Variants in SBF2 observed in about 807,000 individuals in gnomAD.
SBF2 encodes myotubularin-related protein 13.
Under a neutral mutation model 225.2 loss-of-function variants are expected in SBF2, and 112 were observed. The ratio of observed to expected loss-of-function variants is 0.50; its 90% CI spans 0.43 to 0.58. The LOEUF is 0.58. Among genes scored for constraint, SBF2 ranks in the 20% least tolerant of loss-of-function variants. The pLI is 0.00. For synonymous variants in SBF2, 763 were observed against 773.3 expected (o/e 0.99, Z 0.22); for missense variants, 1,996 against 2,206.2 (o/e 0.90, Z 1.91).
intron 1 of SBF2, among the ~76,000 whole-genome samples, chr11:10,214,433 C>T (rs1958053986): frequency 6.6e-6 from 1 of 152,150 alleles, no homozygotes; most frequent in South Asian, 2.1e-4. Flanking sequence ...ACCATCCTGG[C>T]TAACACGGTG....
At chr11:10,299,055 C>T (rs567970651), upstream of SBF2, among the ~76,000 whole-genome samples, 1 of 152,164 alleles carries the variant, frequency 6.6e-6, no homozygotes, top group East Asian at 1.9e-4. Flanking sequence ...AGAAAGTGTC[C>T]TGGCCAGGTG....
intron 16 of SBF2, chr11:9,958,177 G>A (rs1406442839): frequency 1.3e-5 from 2 of 152,066 alleles, no homozygotes; most frequent in Non-Finnish European, 2.9e-5. Flanking sequence ...AATGGAAGCA[G>A]TGGTTATGTT....
At chr11:9,938,404 A>G (rs1231032921) in intron 16 of SBF2, among the ~76,000 whole-genome samples, 6 of 151,660 alleles carry the variant, frequency 4.0e-5, no homozygotes, top group Admixed American at 3.9e-4. Context: ...TTTTTCGGGG[A>G]ACTGAACAGT....
rs527897318 is a variant in SBF2 at position 9,794,237 on chromosome 11, A to C, written c.4570+1594T>G. Among the ~76,000 whole-genome samples, 3 of 152,058 alleles carry C rather than the reference A, an allele frequency of 2.0e-5. No homozygotes were observed. The East Asian group carries it at 5.8e-4, about 29-fold the overall frequency. ...TGCCCCCCTGCCCACGAAACAAAAA[A>C]ACAAACCAAAAAAACCCCAAAAAAC... On this transcript the variant is annotated intron_variant, in intron 33 of 39. Coordinates refer to ENST00000256190, the MANE Select transcript of SBF2 (RefSeq NM_030962.4).
chr11:9,929,195 T>C (rs1864290932), intron 16 of SBF2: 1 of 191,898 alleles, frequency 5.2e-6, no homozygotes, highest in African/African-American at 2.4e-5. Context: ...CTATGGTCAT[T>C]TGGCATTTGA....
chr11:10,129,689 A>C (rs1953937129), intron 2 of SBF2, among the ~76,000 whole-genome samples: 1 of 151,198 alleles, frequency 6.6e-6, no homozygotes, highest in Non-Finnish European at 1.5e-5. Context: ...TGTGAATATT[A>C]ATTATGTCTC....
intron 2 of SBF2, among the ~76,000 whole-genome samples, chr11:10,106,044 A>G (rs1403655967): frequency 6.6e-6 from 1 of 152,088 alleles, no homozygotes; most frequent in Non-Finnish European, 1.5e-5. Context: ...TATTATTACT[A>G]TTTTAGACTC....
intron 1 of SBF2, among the ~76,000 whole-genome samples, chr11:10,231,062 A>T (rs1269533575): frequency 6.6e-6 from 1 of 152,008 alleles, no homozygotes; most frequent in African/African-American, 2.4e-5. Context: ...CATTCATTTC[A>T]TCTTCCATCG....
intron 23 of SBF2, 80 bp downstream of exon 23, chr11:9,846,876 T>A: frequency 6.7e-7 from 1 of 1,498,042 alleles, no homozygotes; most frequent in Non-Finnish European, 9.3e-7. Flanking sequence ...TCTGAGCACA[T>A]GACCACACAA....
chr11:9,994,001 A>G lies in SBF2; in HGVS notation c.976-3T>C. On this transcript the variant is annotated splice_polypyrimidine_tract_variant and splice_region_variant and intron_variant, in intron 9 of 39. Coordinates refer to ENST00000256190, the MANE Select transcript of SBF2 (RefSeq NM_030962.4). ...ACTTCCAAATCTGGGTGTAAAATCT[A>G]AAGCAAAAAAGTTTTGTTATGTAAA... 1.7e-6 allele frequency: 2 copies of G among 1,205,236 alleles called. No homozygotes were observed. The highest frequency in any genetic ancestry group is 2.5e-6 in the Non-Finnish European group (2 of 806,726). The allele number at this position is 1,205,236 out of a possible 1,614,324, so 74.7% of individuals were successfully genotyped here.
At chr11:10,297,219 T>A (rs1009771514), upstream of SBF2, among the ~76,000 whole-genome samples, 8 of 152,054 alleles carry the variant, frequency 5.3e-5, no homozygotes, top group Non-Finnish European at 8.8e-5. Context: ...TATTTTTATT[T>A]TATTTTTCAT....
intron 16 of SBF2, among the ~76,000 whole-genome samples, chr11:9,908,687 T>TGTTGTTGC (rs368242902): frequency 0.7 from 105,802 of 151,614 alleles, 37,830 homozygotes; most frequent in African/African-American, 0.73. Flanking sequence ...GTTCATAATC[T>TGTTGTTGC]TGTTGTTGCT....
At chr11:10,301,092 A>G (rs1358355646) in intron 1 of SBF2, among the ~76,000 whole-genome samples, 1 of 152,174 alleles carries the variant, frequency 6.6e-6, no homozygotes, top group Admixed American at 6.5e-5. Context: ...CAGCAAACGC[A>G]TTACTTTTCT....
chr11:9,967,935 G>GTCTCTC (rs1469233412), intron 14 of SBF2, among the ~76,000 whole-genome samples: 119 of 114,534 alleles, frequency 1.0e-3, no homozygotes, highest in Non-Finnish European at 1.6e-3. Flanking sequence ...CTGTCTGTCT[G>GTCTCTC]TCTGTCTGTC....
At chr11:9,998,496 T>G in intron 8 of SBF2, 117 bp from the exon 9 acceptor site, 8 of 641,794 alleles carry the variant, frequency 1.2e-5, no homozygotes, top group Non-Finnish European at 2.2e-5. Flanking sequence ...AGACTCTTGT[T>G]TGTCCATAGT....
chr11:9,944,242 G>A (rs747740898), intron 16 of SBF2, among the ~76,000 whole-genome samples: 27 of 152,216 alleles, frequency 1.8e-4, no homozygotes, highest in Non-Finnish European at 3.4e-4. Flanking sequence ...ATTCAGGACA[G>A]TGGTTCTAAA....
rs934996087 is a variant in SBF2, at chr11:9,778,916, G to A, written c.*1502C>T. The A allele has an allele frequency of 6.6e-6, 1 of 152,574 alleles. No homozygotes were observed. The highest frequency in any genetic ancestry group is 2.4e-5 in the African/African-American group (1 of 41,426). 9.5% of individuals were successfully genotyped at this position (152,574 alleles called of 1,614,324 possible). A position where few individuals can be genotyped will look rare whatever the true frequency, so the allele number is the denominator to read the frequency against. ...AGTCTCAAATAGCTGAAGGTACAAT[G>A]GGCTCCATATTTTACAAAGTACAAA... On this transcript the variant is annotated 3_prime_UTR_variant, in exon 40 of 40. Transcript: ENST00000256190.
Position 9,829,317 on chromosome 11 carries a change from T to A in SBF2, c.3793+39A>T, listed in dbSNP as rs372626195. 9 of 1,607,398 alleles carry A rather than the reference T, an allele frequency of 5.6e-6. No individual in the cohort carries two copies. The African/African-American group carries it at 1.2e-4, about 21-fold the overall frequency. On this transcript the variant is annotated intron_variant, in intron 28 of 39. Coordinates refer to ENST00000256190, the MANE Select transcript of SBF2 (RefSeq NM_030962.4). The stretch of plus-strand genomic sequence containing the variant: ...CCCTAGGAACAGAACTGACCTTTCA[T>A]TAGAAGCTGTCAAGAAGAAAAGTAT...
At chr11:10,257,923 CT>C (rs987714223) in intron 1 of SBF2, among the ~76,000 whole-genome samples, 2 of 152,030 alleles carry the variant, frequency 1.3e-5, no homozygotes, top group African/African-American at 4.8e-5. Flanking sequence ...CGCCAGTGCA[CT>C]CCAGCCTGGG....
Sources: allele counts gnomAD v4.1 joint callset (sites outside exome capture counted in the v4.1 genomes callset), GRCh38; gene constraint gnomAD v4.1.1; transcripts MANE v1.5; gene names NCBI Gene and HGNC (gene_info 2026-07-23, HGNC 2026-07-21).